VWA2: variants seen among roughly 807,000 people sequenced by gnomAD.
The protein encoded by VWA2 is von Willebrand factor A domain containing 2, also known as von Willebrand factor A domain-containing protein 2.
A neutral mutation model predicts 70.4 loss-of-function variants in VWA2; 73 were observed. The observed-to-expected ratio is 1.04, with a 90% CI of 0.86 to 1.26. The LOEUF (loss-of-function observed/expected upper bound fraction) is 1.26, where lower values mean the gene tolerates loss of function less well. Ranked by LOEUF, VWA2 falls within the 50% of genes most tolerant of loss-of-function variation. VWA2 has a pLI of 0.00. For missense variants in VWA2, 1,011 were observed against 998.5 expected, an observed-to-expected ratio of 1.01 and a Z score of -0.17; for synonymous variants, 407 against 423.3, an observed-to-expected ratio of 0.96 and a Z score of 0.47.
chr10:114,277,572 T>C (rs938957599), intron 6 of VWA2, among the ~76,000 whole-genome samples: 8 of 152,332 alleles, frequency 5.3e-5, no homozygotes, highest in African/African-American at 1.9e-4. Flanking sequence ...ATCATTTTCC[T>C]CCTGGCACAA....
chr10:114,286,880 T>C (rs931356141), intron 11 of VWA2, among the ~76,000 whole-genome samples: 1 of 152,168 alleles, frequency 6.6e-6, no homozygotes, highest in Admixed American at 6.5e-5. Flanking sequence ...GCTTCCCAGC[T>C]CCTTTGATGG....
At chr10:114,283,030 A>C (rs1424826081) in intron 9 of VWA2, among the ~76,000 whole-genome samples, 1 of 152,216 alleles carries the variant, frequency 6.6e-6, no homozygotes, top group African/African-American at 2.4e-5. Context: ...GTAATCCCTC[A>C]GCTGTAAAAT....
rs1400438246 is a variant in VWA2, at chr10:114,291,346, G to A, written c.*109G>A. 13 of 1,329,448 alleles carry A rather than the reference G, an allele frequency of 9.8e-6. No individual in the cohort carries two copies. The highest frequency in any genetic ancestry group is 2.8e-5 in the Admixed American group (1 of 36,006). The allele number at this position is 1,329,448 out of a possible 1,614,324, so 82.4% of individuals were successfully genotyped here. A position where few individuals can be genotyped will look rare whatever the true frequency, so the allele number is the denominator to read the frequency against. On this transcript the variant is annotated 3_prime_UTR_variant, in exon 14 of 14. Transcript: ENST00000392982. ...ACCTTCTGGAATGTCTGTGCCCCAGGTCCTTAGAATGTCTGCTTCCCGCCG... is the reference window on the plus strand; with the variant it reads ...ACCTTCTGGAATGTCTGTGCCCCAGATCCTTAGAATGTCTGCTTCCCGCCG...
At chr10:114,281,732 G>A (rs952923144) in intron 8 of VWA2, 5 of 985,388 alleles carry the variant, frequency 5.1e-6, no homozygotes, top group Non-Finnish European at 6.0e-6. Context: ...CGGGAGGCCT[G>A]GAGCCTTGCT....
intron 5 of VWA2, among the ~76,000 whole-genome samples, chr10:114,271,834 G>T (rs1291523417): frequency 6.6e-6 from 1 of 152,184 alleles, no homozygotes; most frequent in East Asian, 1.9e-4. Flanking sequence ...TTTTCTCTGT[G>T]TGTACTGTTG....
chr10:114,242,753 T>TA (rs2036997020), intron 1 of VWA2, among the ~76,000 whole-genome samples: 1 of 152,234 alleles, frequency 6.6e-6, no homozygotes, highest in Non-Finnish European at 1.5e-5. Flanking sequence ...TATAAAGATG[T>TA]AAATGATAAT....
Position 114,278,793 on chromosome 10 carries a change from T to G in VWA2, c.775T>G (p.Cys259Gly), listed in dbSNP as rs1185082193. 6.2e-7 allele frequency: 1 copy of G among 1,613,662 alleles called. No individual in the cohort carries two copies. The highest frequency in any genetic ancestry group is 1.3e-5 in the African/African-American group (1 of 74,922). The change falls in exon 8 of 14, where the codon TGC becomes GGC. Residue 259 changes from cysteine to glycine, a missense_variant. Coordinates refer to ENST00000392982, the MANE Select transcript of VWA2 (RefSeq NM_001272046.2). Reference sequence around the variant, plus strand: ...CCGGGAGTTCGCTGGCAATGCCCCATGCTGGAGAGGATCGCGGCGGACCCT... The same window carrying G: ...CCGGGAGTTCGCTGGCAATGCCCCAGGCTGGAGAGGATCGCGGCGGACCCT... ...MVREFAGNAP[C>G]WRGSRRTLAV...
chr10:114,243,492 T>A (rs1372067389), intron 1 of VWA2, among the ~76,000 whole-genome samples: 3 of 152,226 alleles, frequency 2.0e-5, no homozygotes, highest in Non-Finnish European at 4.4e-5. Flanking sequence ...CCCCACCGGA[T>A]ATTTTTACCT....
At position 114,272,776 on chromosome 10, in the gene VWA2, C is replaced by G. The variant is rs767201792; in HGVS notation, c.408C>G (p.Tyr136Ter). 8 of 1,612,302 alleles carry G rather than the reference C, an allele frequency of 5.0e-6. No homozygotes were observed. Among genetic ancestry groups the G allele is most frequent in the Non-Finnish European group, 6.8e-6 (8 of 1,179,206 alleles). Reference protein sequence around the residue: ...GRTETELALKYLLHRGLPGGR... With the variant: ...GRTETELALK ...CGGAGACGGAACTTGCTCTGAAATA[C>G]CTTCTGCACAGAGGGTTGCCTGGAG... Residue 136 changes from tyrosine to a stop codon, truncating the protein, a stop_gained, in exon 6 of 14, where the codon TAC becomes TAG. Transcript: ENST00000392982. LOFTEE classifies it high-confidence loss of function.
At chr10:114,241,242 A>G (rs1248644876) in intron 1 of VWA2, among the ~76,000 whole-genome samples, 1 of 152,154 alleles carries the variant, frequency 6.6e-6, no homozygotes, top group Admixed American at 6.5e-5. Context: ...CAAAGTTCAC[A>G]GTTTGCCCTG....
At chr10:114,272,372 C>T (rs1157733927) in intron 5 of VWA2, among the ~76,000 whole-genome samples, 1 of 152,160 alleles carries the variant, frequency 6.6e-6, no homozygotes, top group African/African-American at 2.4e-5. Flanking sequence ...GCTTTCCCAA[C>T]CCAGGATGTT....
At chr10:114,264,577 C>G (rs1253167410) in intron 5 of VWA2, among the ~76,000 whole-genome samples, 1 of 151,952 alleles carries the variant, frequency 6.6e-6, no homozygotes, top group African/African-American at 2.4e-5. Context: ...GCCACCACGC[C>G]CGGCTAATTT....
At chr10:114,266,924 A>T (rs576987619) in intron 5 of VWA2, among the ~76,000 whole-genome samples, 69 of 152,046 alleles carry the variant, frequency 4.5e-4, no homozygotes, top group Non-Finnish European at 6.8e-4. Flanking sequence ...ATTATTTGGT[A>T]TGTGCTTTTA....
At chr10:114,250,765 G>C (rs1408777697) in intron 2 of VWA2, among the ~76,000 whole-genome samples, 1 of 152,226 alleles carries the variant, frequency 6.6e-6, no homozygotes, top group African/African-American at 2.4e-5. Context: ...CAAGGGGTTG[G>C]GGAGTGGTGA....
intron 6 of VWA2, among the ~76,000 whole-genome samples, chr10:114,274,505 C>T (rs1032829940): frequency 2.5e-4 from 38 of 152,236 alleles, no homozygotes; most frequent in African/African-American, 8.9e-4. Flanking sequence ...GAGACAGCCT[C>T]GCTTTGTCAC....
chr10:114,265,568 C>A (rs920408395), intron 5 of VWA2, among the ~76,000 whole-genome samples: 7 of 152,186 alleles, frequency 4.6e-5, no homozygotes, highest in Admixed American at 3.9e-4. Flanking sequence ...ATCCAATAGG[C>A]CCCACCCAGC....
intron 1 of VWA2, among the ~76,000 whole-genome samples, chr10:114,239,777 G>T (rs1261469673): frequency 3.9e-5 from 6 of 152,196 alleles, no homozygotes; most frequent in Non-Finnish European, 1.5e-5. Flanking sequence ...CGGCGGCGTC[G>T]GGGGAAGAGC....
rs553439419 is a variant in VWA2 at position 114,289,393 on chromosome 10, C to CGGAGGCTTG, written c.2027_2035dup (p.Leu678_Ala679insGlyArgLeu). On this transcript the variant is annotated inframe_insertion, in exon 12 of 14. Coordinates refer to ENST00000392982, the MANE Select transcript of VWA2 (RefSeq NM_001272046.2). ...GGGGCCTGTCCTAAGTGAGGGTCTG[C>CGGAGGCTTG]GGAGGCTTGCAGGTCCCCGGGATTC... The CGGAGGCTTG allele has an allele frequency of 7.8e-3, 12,587 of 1,614,208 alleles. 76 individuals are homozygous for CGGAGGCTTG. The highest frequency in any genetic ancestry group is 9.8e-3 in the Admixed American group (586 of 60,032).
At position 114,285,932 on chromosome 10, in the gene VWA2, C is replaced by G. The variant is rs371885886; in HGVS notation, c.998-7C>G. ...CTTGACAGTGGGTGTTGCTGTGATCCCCGCAGCCCTGAAGCTGAGCCTGGA... is the reference window on the plus strand; with the variant it reads ...CTTGACAGTGGGTGTTGCTGTGATCGCCGCAGCCCTGAAGCTGAGCCTGGA... On this transcript the variant is annotated splice_region_variant and splice_polypyrimidine_tract_variant and intron_variant, in intron 10 of 13. Transcript: ENST00000392982. 6.3e-7 allele frequency: 1 copy of G among 1,576,154 alleles called. No homozygotes were observed. The highest frequency in any genetic ancestry group is 1.3e-5 in the African/African-American group (1 of 74,510).
Sources: gnomAD v4.1 joint callset for allele counts (sites outside exome capture counted in the v4.1 genomes callset) on GRCh38, gnomAD v4.1.1 for gene constraint, MANE v1.5 for transcripts, NCBI Gene and HGNC (gene_info 2026-07-23, HGNC 2026-07-21) for gene names.